The following CRMP1 variants were observed in gnomAD, a reference collection of about 807,000 sequenced individuals.
CRMP1 encodes collapsin response mediator protein 1, also known as dihydropyrimidinase-related protein 1.
Under a neutral mutation model 68.3 loss-of-function variants are expected in CRMP1, and 19 were observed. The ratio of observed to expected loss-of-function variants is 0.28; its 90% CI spans 0.19 to 0.41. The LOEUF (loss-of-function observed/expected upper bound fraction) is 0.41. CRMP1 is among the 10% of genes least tolerant of loss of function. The pLI is 1.00. For missense variants in CRMP1, 791 were observed against 967.4 expected (o/e 0.82, Z 2.42); for synonymous variants, 439 against 399.6 (o/e 1.10, Z -1.18).
chr4:5,878,002 C>T (rs535557332), intron 1 of CRMP1, among the ~76,000 whole-genome samples: 3 of 152,320 alleles, frequency 2.0e-5, no homozygotes, highest in Admixed American at 1.3e-4. Flanking sequence ...GAAAGAAATC[C>T]GAACAGAACT....
At chr4:5,823,611 T>C (rs1719044572) in intron 13 of CRMP1, among the ~76,000 whole-genome samples, 1 of 150,738 alleles carries the variant, frequency 6.6e-6, no homozygotes. Flanking sequence ...ATTCTTGCTC[T>C]ATTAGCTCTC....
At chr4:5,833,159 C>CA (rs1720496214) in intron 11 of CRMP1, among the ~76,000 whole-genome samples, 1 of 84,636 alleles carries the variant, frequency 1.2e-5, no homozygotes, top group African/African-American at 6.5e-5. Flanking sequence ...CCTTCCAGAA[C>CA]TTTTTTTTTT....
rs990342195 is a variant in CRMP1, at chr4:5,890,953, G to A, written c.381+1636C>T. 2.0e-5 allele frequency among the ~76,000 whole-genome samples: 3 copies of A among 152,140 alleles called. No homozygotes were observed. Among genetic ancestry groups the A allele is most frequent in the African/African-American group, 7.2e-5 (3 of 41,454 alleles). On this transcript the variant is annotated intron_variant, in intron 1 of 13. Coordinates refer to ENST00000324989, the MANE Select transcript of CRMP1 (RefSeq NM_001014809.3). This position sits in a 1 kb window ranked among gnomAD's most constrained non-coding sequence, Gnocchi z 5.5. ...CAGATGGAGAAGCTGAGGCCCAAGA[G>A]AGCAAAGCGCCTTGGCTGGAAACCC... is the stretch of plus-strand genomic sequence containing the variant.
At position 5,821,800 on chromosome 4, in the gene CRMP1, G is replaced by A. The variant is rs1718610180; in HGVS notation, c.2021C>T (p.Ala674Val). Residue 674 changes from alanine to valine, a missense_variant, in exon 14 of 14, where the codon GCG becomes GTG. Ala to Val is a moderately conservative substitution (Grantham distance 64). Around this residue, in one of 3 missense-constraint regions of CRMP1, gnomAD observed 594 missense variants for 763.6 expected, o/e 0.78. Transcript: ENST00000324989. This position sits in a 1 kb window ranked among gnomAD's most constrained non-coding sequence, Gnocchi z 4.4. ...NPRRTGHRIV[A>V]PPGGRSNITS... The stretch of plus-strand genomic sequence containing the variant: ...GATGTTGGAGCGGCCACCAGGGGGC[G>A]CCACGATGCGGTGGCCGGTGCGCCT... 3 of 1,611,306 alleles carry A rather than the reference G, an allele frequency of 1.9e-6. No individual in the cohort carries two copies. Among genetic ancestry groups the A allele is most frequent in the Non-Finnish European group, 2.5e-6 (3 of 1,179,158 alleles).
rs745308619 is a variant in CRMP1 at position 5,836,783 on chromosome 4, G to A, written c.1434C>T (p.Val478=). The change falls in exon 10 of 14, where the codon GTC becomes GTT. Residue 478 remains valine, a synonymous_variant. Coordinates refer to ENST00000324989, the MANE Select transcript of CRMP1 (RefSeq NM_001014809.3). ...GCCTTACCACCGCCTTGTCCCAGACGACCGTCATCCGCTCCTCTATCCCGT... is the reference window on the plus strand; with the variant it reads ...GCCTTACCACCGCCTTGTCCCAGACAACCGTCATCCGCTCCTCTATCCCGT... ...GVNGIEERMT[V]VWDKAVATGK... is the part of the protein sequence containing the mutation. 6.2e-6 allele frequency: 10 copies of A among 1,613,892 alleles called. 1 individual carries two copies. The highest frequency in any genetic ancestry group is 3.3e-5 in the South Asian group (3 of 91,060).
intron 6 of CRMP1, among the ~76,000 whole-genome samples, chr4:5,846,165 G>A (rs559384667): frequency 1.3e-5 from 2 of 152,184 alleles, no homozygotes; most frequent in East Asian, 3.9e-4. Context: ...GCGTGGTGGC[G>A]CATGCCTATA....
intron 4 of CRMP1, 136 bp from the exon 5 acceptor site, chr4:5,851,605 CCTAT>C (rs1287413917): frequency 1.2e-6 from 1 of 815,428 alleles, no homozygotes; most frequent in African/African-American, 1.7e-5. Flanking sequence ...CAGTGGGGCA[CCTAT>C]CCAGCCTGAG....
At position 5,890,961 on chromosome 4, in the gene CRMP1, C is replaced by A. The variant is rs1268130767; in HGVS notation, c.381+1628G>T. Among the ~76,000 whole-genome samples the A allele has an allele frequency of 2.0e-5, 3 of 152,240 alleles. No individual in the cohort carries two copies. Among genetic ancestry groups the A allele is most frequent in the Admixed American group, 6.5e-5 (1 of 15,308 alleles). ...GAAGCTGAGGCCCAAGAGAGCAAAG[C>A]GCCTTGGCTGGAAACCCGGATTCCC... is the stretch of plus-strand genomic sequence containing the variant. On this transcript the variant is annotated intron_variant, in intron 1 of 13. Transcript: ENST00000324989. The surrounding 1 kb of genome is among the most constrained non-coding windows in gnomAD (Gnocchi z 5.5).
chr4:5,821,627 G>A lies in CRMP1; in HGVS notation c.*133C>T, dbSNP rs1718568896. On this transcript the variant is annotated 3_prime_UTR_variant, in exon 14 of 14. Transcript: ENST00000324989. This position sits in a 1 kb window ranked among gnomAD's most constrained non-coding sequence, Gnocchi z 4.4. ...ACCACTTCTTCCTAAACAGAAAAGGGAAAGAGCATCCTTCGACTTCCCCCT... is the reference window on the plus strand; with the variant it reads ...ACCACTTCTTCCTAAACAGAAAAGGAAAAGAGCATCCTTCGACTTCCCCCT... 1.4e-5 allele frequency: 12 copies of A among 836,016 alleles called. 1 individual carries two copies. The South Asian group carries it at 2.1e-4, about 14-fold the overall frequency. 51.8% of individuals were successfully genotyped at this position (836,016 alleles called of 1,614,324 possible).
Position 5,883,220 on chromosome 4 carries a change from C to G in CRMP1, c.381+9369G>C, listed in dbSNP as rs1441412384. Among the ~76,000 whole-genome samples, 2 of 147,540 alleles carry G rather than the reference C, an allele frequency of 1.4e-5. No homozygotes were observed. The highest frequency in any genetic ancestry group is 6.8e-5 in the Admixed American group (1 of 14,632). ...CCTCTGACACCTGTGCCCTGTTCCG[C>G]AGCCTGCCTGCTTTCCTTCCTTCCT... On this transcript the variant is annotated intron_variant, in intron 1 of 13. Transcript: ENST00000324989. This position sits in a 1 kb window ranked among gnomAD's most constrained non-coding sequence, Gnocchi z 4.5.
rs571608682 is a variant in CRMP1, at chr4:5,828,056, A to AG, written c.1803+432dup. On this transcript the variant is annotated intron_variant, in intron 12 of 13. Transcript: ENST00000324989. ...AAGGAAGCCCTGCCTGCAAGATGCC[A>AG]GGGGTAACACCTTGCTCCACAGGGC... The AG allele has an allele frequency of 2.2e-4, 218 of 985,454 alleles. No individual in the cohort carries two copies. The African/African-American group carries it at 3.5e-3, about 16-fold the overall frequency. The allele number at this position is 985,454 out of a possible 1,614,324, so 61.0% of individuals were successfully genotyped here.
intron 6 of CRMP1, among the ~76,000 whole-genome samples, chr4:5,845,128 T>C (rs1712094834): frequency 6.6e-6 from 1 of 152,222 alleles, no homozygotes; most frequent in African/African-American, 2.4e-5. Flanking sequence ...CTTCCATTTT[T>C]AGAAAGTTTA....
intron 13 of CRMP1, among the ~76,000 whole-genome samples, chr4:5,822,146 T>G (rs1718710134): frequency 6.6e-6 from 1 of 152,238 alleles, no homozygotes; most frequent in African/African-American, 2.4e-5. Flanking sequence ...ACTTACTGAG[T>G]GCCTACTGTG....
At chr4:5,833,557 CCT>C (rs77284695) in intron 11 of CRMP1, among the ~76,000 whole-genome samples, 66,365 of 150,614 alleles carry the variant, frequency 0.44, 17,102 homozygotes, top group African/African-American at 0.72. Flanking sequence ...ACACATGTGT[CCT>C]CTCTCTCTCT....
chr4:5,821,945 G>GTTCGCCACTT lies in CRMP1; in HGVS notation c.1970-95_1970-94insAAGTGGCGAA. The GTTCGCCACTT allele has an allele frequency of 1.0e-6, 1 of 964,128 alleles. No homozygotes were observed. The highest frequency in any genetic ancestry group is 1.5e-6 in the Non-Finnish European group (1 of 688,082). The allele number at this position is 964,128 out of a possible 1,614,324, so 59.7% of individuals were successfully genotyped here. ...CATGTACTCTGCCATGCACTCCACT[G>GTTCGCCACTT]GACCCACCTTCATTCAGGGCTCAGT... On this transcript the variant is annotated intron_variant, in intron 13 of 13. Transcript: ENST00000324989. This position sits in a 1 kb window ranked among gnomAD's most constrained non-coding sequence, Gnocchi z 4.4.
chr4:5,867,185 C>A (rs1037195125), intron 1 of CRMP1, among the ~76,000 whole-genome samples: 2 of 152,202 alleles, frequency 1.3e-5, no homozygotes, highest in South Asian at 4.1e-4. Context: ...AACTTAATAC[C>A]TTGCTTATCA....
At chr4:5,846,114 G>A (rs564018099) in intron 6 of CRMP1, among the ~76,000 whole-genome samples, 1 of 152,198 alleles carries the variant, frequency 6.6e-6, no homozygotes, top group Non-Finnish European at 1.5e-5. Context: ...TGGCCAACAT[G>A]GTAAAAACCC....
intron 6 of CRMP1, among the ~76,000 whole-genome samples, chr4:5,846,935 G>A (rs906843168): frequency 6.6e-6 from 1 of 151,876 alleles, no homozygotes; most frequent in Admixed American, 6.6e-5. Flanking sequence ...ATTCTACTGA[G>A]CAAGAAGCAG....
At chr4:5,832,902 T>G (rs1444651165) in intron 11 of CRMP1, among the ~76,000 whole-genome samples, 1 of 152,114 alleles carries the variant, frequency 6.6e-6, no homozygotes, top group Non-Finnish European at 1.5e-5. Flanking sequence ...CAGGTATAAT[T>G]AGGTAAGATG....
Sources: allele counts gnomAD v4.1 joint callset (sites outside exome capture counted in the v4.1 genomes callset), GRCh38; gene constraint gnomAD v4.1.1; regional missense constraint gnomAD v4.1.1; non-coding constraint Gnocchi (gnomAD v3.1); transcripts MANE v1.5; gene names NCBI Gene and HGNC (gene_info 2026-07-23, HGNC 2026-07-21).